Variants in NUP133 observed in about 807,000 individuals in gnomAD.
NUP133 encodes the protein nuclear pore complex protein Nup133.
A neutral mutation model predicts 146.2 loss-of-function variants in NUP133; 66 were observed. The ratio of observed to expected loss-of-function variants is 0.45; its 90% CI spans 0.37 to 0.55. NUP133 has a LOEUF of 0.55. NUP133 is among the 20% of genes least tolerant of loss of function. The pLI is 0.00. For synonymous variants in NUP133, 521 were observed against 498.8 expected (o/e 1.04, Z -0.59); for missense variants, 1,277 against 1,374.8 (o/e 0.93, Z 1.12).
intron 23 of NUP133, among the ~76,000 whole-genome samples, 189 bp from the exon 24 acceptor site, chr1:229,449,379 T>TC (rs1660390191): frequency 1.3e-5 from 2 of 151,602 alleles, no homozygotes; most frequent in Non-Finnish European, 2.9e-5. Context: ...TCTTTTTTTT[T>TC]TTTTTTGAGA....
chr1:229,450,605 G>T lies in NUP133; in HGVS notation c.3100C>A (p.Leu1034Ile). ...PVLTAPQLIG[L>I]YICEENRRAN... ...CTTCTATTTTCTTCACAGATATATA[G>T]CTATGACAAGTTAAAATAAGGTAGA... The change falls in exon 23 of 26, where the codon CTA becomes ATA. Residue 1034 changes from leucine to isoleucine, a missense_variant and splice_region_variant. Around this residue, in one of 3 missense-constraint regions of NUP133, gnomAD observed 952 missense variants for 1,047.0 expected, o/e 0.91. Transcript: ENST00000261396. 2 of 1,468,954 alleles carry T rather than the reference G, an allele frequency of 1.4e-6. No individual in the cohort carries two copies. Among genetic ancestry groups the T allele is most frequent in the African/African-American group, 1.4e-5 (1 of 71,074 alleles). The allele number at this position is 1,468,954 out of a possible 1,614,324, so 91.0% of individuals were successfully genotyped here. A position where few individuals can be genotyped will look rare whatever the true frequency, so the allele number is the denominator to read the frequency against.
At chr1:229,468,052 T>C (rs1660864495) in intron 15 of NUP133, among the ~76,000 whole-genome samples, 1 of 152,176 alleles carries the variant, frequency 6.6e-6, no homozygotes, top group Admixed American at 6.5e-5. Context: ...ATATTGCTCA[T>C]ATGCCGTGTC....
chr1:229,463,734 T>C (rs1660749219), intron 18 of NUP133, 58 bp from the exon 19 acceptor site: 7 of 1,489,040 alleles, frequency 4.7e-6, no homozygotes, highest in Non-Finnish European at 4.5e-6. Flanking sequence ...AAATCTGTAA[T>C]AAAAAATGTT....
chr1:229,480,817 G>A (rs1300494020), intron 12 of NUP133, among the ~76,000 whole-genome samples: 2 of 151,334 alleles, frequency 1.3e-5, no homozygotes, highest in East Asian at 1.9e-4. Flanking sequence ...CTCCTGAGTA[G>A]CTGAGATTAC....
intron 8 of NUP133, among the ~76,000 whole-genome samples, 188 bp downstream of exon 8, chr1:229,495,307 C>T (rs559940063): frequency 6.6e-6 from 1 of 152,326 alleles, no homozygotes; most frequent in Non-Finnish European, 1.5e-5. Context: ...AGAAGGATCA[C>T]TTCAGCCCAG....
At chr1:229,461,649 G>GA (rs1236900645) in intron 19 of NUP133, among the ~76,000 whole-genome samples, 1 of 152,008 alleles carries the variant, frequency 6.6e-6, no homozygotes. Flanking sequence ...ATAGGAAGCA[G>GA]AAAACTATGA....
intron 15 of NUP133, 106 bp downstream of exon 15, chr1:229,470,474 G>A: frequency 2.2e-6 from 2 of 907,592 alleles, no homozygotes; most frequent in Non-Finnish European, 3.4e-6. Context: ...TAAAATTTCA[G>A]TGAGATCTTT....
intron 21 of NUP133, among the ~76,000 whole-genome samples, chr1:229,454,906 A>T (rs957751333): frequency 6.6e-6 from 1 of 152,232 alleles, no homozygotes; most frequent in South Asian, 2.1e-4. Context: ...AGTAAAAAAT[A>T]ATTTTAATAA....
intron 2 of NUP133, among the ~76,000 whole-genome samples, chr1:229,502,735 GGAGGCCACCCTGGGAGGACTGCTT>G (rs1157685498): frequency 6.6e-6 from 1 of 151,352 alleles, no homozygotes; most frequent in Non-Finnish European, 1.5e-5. Flanking sequence ...CAATATTTTG[GGAGGCCACCCTGGGAGGACTGCTT>G]GAGGCCAGCC....
rs1660371267 is a variant in NUP133, at chr1:229,448,761, T to G, written c.3245+365A>C. 1.3e-5 allele frequency: 3 copies of G among 235,458 alleles called. No individual in the cohort carries two copies. In the South Asian group the frequency reaches 2.0e-4, roughly 16 times the overall value. 14.6% of individuals were successfully genotyped at this position (235,458 alleles called of 1,614,324 possible). ...ACCCTTTATAATAAATTGGTAGGTGTGTTTTCCTGAGTTCTATGAGCTGCT... is the reference window on the plus strand; with the variant it reads ...ACCCTTTATAATAAATTGGTAGGTGGGTTTTCCTGAGTTCTATGAGCTGCT... On this transcript the variant is annotated intron_variant, in intron 24 of 25. Coordinates refer to ENST00000261396, the MANE Select transcript of NUP133 (RefSeq NM_018230.3).
chr1:229,449,106 G>A lies in NUP133; in HGVS notation c.3245+20C>T. The A allele has an allele frequency of 1.9e-6, 3 of 1,591,480 alleles. No individual in the cohort carries two copies. The highest frequency in any genetic ancestry group is 2.6e-6 in the Non-Finnish European group (3 of 1,159,750). Reference sequence around the variant, plus strand: ...AGCAGTTTCTATACTTTCCAAAGAAGCAATGCCACGAGCACTTACTTATCT... The same window carrying A: ...AGCAGTTTCTATACTTTCCAAAGAAACAATGCCACGAGCACTTACTTATCT... On this transcript the variant is annotated intron_variant, in intron 24 of 25. Transcript: ENST00000261396.
At chr1:229,451,292 C>T (rs1208102018) in intron 22 of NUP133, among the ~76,000 whole-genome samples, 1 of 151,854 alleles carries the variant, frequency 6.6e-6, no homozygotes, top group Non-Finnish European at 1.5e-5. Flanking sequence ...CCAGCTACTC[C>T]AGAGGCTGAG....
At chr1:229,461,567 T>A (rs1408987597) in intron 19 of NUP133, among the ~76,000 whole-genome samples, 2 of 152,012 alleles carry the variant, frequency 1.3e-5, no homozygotes, top group Non-Finnish European at 2.9e-5. Flanking sequence ...AGGGGACAAA[T>A]AACATCAATT....
At position 229,465,491 on chromosome 1, in the gene NUP133, C is replaced by T. The variant is rs756821853; in HGVS notation, c.2228G>A (p.Arg743His). 12 of 1,613,476 alleles carry T rather than the reference C, an allele frequency of 7.4e-6. No individual in the cohort carries two copies. Among genetic ancestry groups the T allele is most frequent in the Admixed American group, 5.0e-5 (3 of 59,964 alleles). Residue 743 changes from arginine to histidine, a missense_variant, in exon 17 of 26, where the codon CGC becomes CAC. This residue lies in a region of NUP133 where 952 missense variants were observed against 1,047.0 expected (regional missense o/e 0.91). Transcript: ENST00000261396. ...KDMLQAASHY[R>H]QNRNSLYRRE... is the part of the protein sequence containing the mutation. ...TCTATACAAAGAGTTTCTATTTTGGCGATAATGACTAGCAGCCTGCAGCAT... is the reference window on the plus strand; with the variant it reads ...TCTATACAAAGAGTTTCTATTTTGGTGATAATGACTAGCAGCCTGCAGCAT...
At chr1:229,467,101 G>A (rs1660843710) in intron 15 of NUP133, among the ~76,000 whole-genome samples, 1 of 152,140 alleles carries the variant, frequency 6.6e-6, no homozygotes, top group South Asian at 2.1e-4. Context: ...CCAAACTAAT[G>A]AACTAATAGA....
intron 22 of NUP133, 53 bp from the exon 23 acceptor site, chr1:229,450,658 A>G: frequency 1.2e-6 from 1 of 856,414 alleles, no homozygotes; most frequent in Non-Finnish European, 1.9e-6. Context: ...AACTAATACT[A>G]GAGACATTTA....
chr1:229,499,392 C>T (rs1338520595), intron 5 of NUP133, among the ~76,000 whole-genome samples: 4 of 152,298 alleles, frequency 2.6e-5, no homozygotes, highest in Admixed American at 1.3e-4. Context: ...TAGATCCTTA[C>T]ATTCTTCTCT....
At chr1:229,444,330 C>CAAAAAAAAGAAA (rs1660256561) in intron 25 of NUP133, among the ~76,000 whole-genome samples, 1 of 148,738 alleles carries the variant, frequency 6.7e-6, no homozygotes, top group Non-Finnish European at 1.5e-5. Flanking sequence ...GACTCCGTCT[C>CAAAAAAAAGAAA]AAAAAAAAGA....
intron 9 of NUP133, among the ~76,000 whole-genome samples, chr1:229,488,021 T>C (rs1254080483): frequency 6.6e-6 from 1 of 151,976 alleles, no homozygotes; most frequent in Non-Finnish European, 1.5e-5. Flanking sequence ...TTTTTTTGTA[T>C]CTTTAGTAGA....
Sources: allele counts gnomAD v4.1 joint callset (sites outside exome capture counted in the v4.1 genomes callset), GRCh38; gene constraint gnomAD v4.1.1; regional missense constraint gnomAD v4.1.1; transcripts MANE v1.5; gene names NCBI Gene and HGNC (gene_info 2026-07-23, HGNC 2026-07-21).